GALNT17: variants seen among roughly 807,000 people sequenced by gnomAD.
GALNT17 encodes the protein UDP-GalNAc:polypeptide N-acetylgalactosaminyltransferase-like 3.
A neutral mutation model predicts 63.7 loss-of-function variants in GALNT17; 29 were observed. The observed-to-expected ratio is 0.46, with a 90% confidence interval of 0.34 to 0.62. The LOEUF (loss-of-function observed/expected upper bound fraction) is 0.62. Ranked by LOEUF, GALNT17 falls within the 20% of genes least tolerant of loss-of-function variation. GALNT17 has a pLI of 0.01. For missense variants in GALNT17, 603 were observed against 799.6 expected, an observed-to-expected ratio of 0.75 and a Z score of 2.97; for synonymous variants, 305 against 318.3, an observed-to-expected ratio of 0.96 and a Z score of 0.45.
intron 5 of GALNT17, among the ~76,000 whole-genome samples, chr7:71,499,050 C>G (rs577425686): frequency 6.6e-6 from 1 of 152,322 alleles, no homozygotes; most frequent in African/African-American, 2.4e-5. Context: ...CATAGCAACT[C>G]TTTCAGCAGA....
At chr7:71,506,728 G>A (rs1788275694) in intron 5 of GALNT17, among the ~76,000 whole-genome samples, 1 of 152,104 alleles carries the variant, frequency 6.6e-6, no homozygotes, top group African/African-American at 2.4e-5. Context: ...TCATTTCTTT[G>A]TGTTGTACTG....
intron 6 of GALNT17, among the ~76,000 whole-genome samples, chr7:71,663,471 GCCAACAT>G (rs1238383481): frequency 6.6e-6 from 1 of 152,098 alleles, no homozygotes; most frequent in East Asian, 1.9e-4. Flanking sequence ...CAGGCCCTTT[GCCAACAT>G]TTGGCCTCCT....
At chr7:71,509,949 ATT>A (rs60003782) in intron 5 of GALNT17, among the ~76,000 whole-genome samples, 262 of 150,616 alleles carry the variant, frequency 1.7e-3, no homozygotes, top group Middle Eastern at 3.4e-3. Flanking sequence ...AAAGTGTACA[ATT>A]TTTTTTTTCT....
rs997424904 is a variant in GALNT17, at chr7:71,291,445, C to T, written c.239-44105C>T. Among the ~76,000 whole-genome samples, 4 of 152,268 alleles carry T rather than the reference C, an allele frequency of 2.6e-5. No homozygotes were observed. The East Asian group carries it at 7.7e-4, about 29-fold the overall frequency. ...TGATTAGAATCCAATTCCATGATAG[C>T]TAAATCTTGGTCTGTGAAAACTGTC... On this transcript the variant is annotated intron_variant, in intron 1 of 10. Coordinates refer to ENST00000333538, the MANE Select transcript of GALNT17 (RefSeq NM_022479.3).
At chr7:71,465,197 C>T (rs1787515063) in intron 5 of GALNT17, among the ~76,000 whole-genome samples, 1 of 152,182 alleles carries the variant, frequency 6.6e-6, no homozygotes, top group Non-Finnish European at 1.5e-5. Flanking sequence ...AAATGTTTCA[C>T]ATAACATGCT....
intron 5 of GALNT17, among the ~76,000 whole-genome samples, chr7:71,496,917 TA>T (rs61150727): frequency 0.14 from 19,926 of 144,870 alleles, 1,652 homozygotes; most frequent in East Asian, 0.38. Flanking sequence ...ATACAAAAAT[TA>T]AAAAAAAAAA....
intron 3 of GALNT17, among the ~76,000 whole-genome samples, chr7:71,412,684 C>T (rs1004561267): frequency 7.2e-5 from 11 of 152,240 alleles, no homozygotes; most frequent in African/African-American, 2.4e-4. Context: ...CTCTGGCCCC[C>T]TCAACCTGTC....
intron 5 of GALNT17, among the ~76,000 whole-genome samples, chr7:71,534,211 T>TA (rs776474850): frequency 1.1e-4 from 16 of 152,080 alleles, no homozygotes; most frequent in Non-Finnish European, 2.2e-4. Context: ...TCGGGAAACT[T>TA]ACAATCATGG....
intron 5 of GALNT17, among the ~76,000 whole-genome samples, chr7:71,559,132 G>T (rs1325520505): frequency 6.6e-6 from 1 of 152,170 alleles, no homozygotes. Flanking sequence ...TTTGTGAGCT[G>T]GATGCAGTGT....
intron 6 of GALNT17, among the ~76,000 whole-genome samples, chr7:71,607,875 T>C (rs1232802743): frequency 6.6e-6 from 1 of 152,220 alleles, no homozygotes; most frequent in East Asian, 1.9e-4. Flanking sequence ...TTCCTTGGGA[T>C]GCACACTGAA....
intron 5 of GALNT17, among the ~76,000 whole-genome samples, chr7:71,544,443 A>G (rs1788948346): frequency 6.6e-6 from 1 of 152,042 alleles, no homozygotes; most frequent in African/African-American, 2.4e-5. Context: ...CACCCGGCCA[A>G]GGCATGATTT....
In GALNT17 at chr7:71,526,313, T is replaced by C. The variant is rs1271840755; in HGVS notation, c.963-44972T>C. 5.9e-4 allele frequency among the ~76,000 whole-genome samples: 90 copies of C among 152,092 alleles called. 3 individuals carry two copies. Among genetic ancestry groups the C allele is most frequent in the Non-Finnish European group, 2.9e-5 (2 of 68,032 alleles). On this transcript the variant is annotated intron_variant, in intron 5 of 10. Transcript: ENST00000333538. ...TTTTCTCTGTCAAAAACCAATTTCT[T>C]TTCCAGAATCCACAGCCAATTCCTC...
chr7:71,678,475 C>T (rs62458991), intron 9 of GALNT17, among the ~76,000 whole-genome samples: 82,071 of 151,364 alleles, frequency 0.54, 25,828 homozygotes, highest in East Asian at 0.85. Context: ...GTCAGGAGTT[C>T]GAGACCAGCC....
At chr7:71,181,904 G>C (rs1168574254) in intron 1 of GALNT17, among the ~76,000 whole-genome samples, 4 of 151,506 alleles carry the variant, frequency 2.6e-5, no homozygotes, top group Non-Finnish European at 4.4e-5. Flanking sequence ...AGGCTGGCGC[G>C]GTGGCTCATG....
chr7:71,506,506 A>T (rs959726671), intron 5 of GALNT17, among the ~76,000 whole-genome samples: 2 of 152,310 alleles, frequency 1.3e-5, no homozygotes, highest in African/African-American at 4.8e-5. Flanking sequence ...ACCTCAGGTG[A>T]TCTGCCCACC....
chr7:71,152,065 A>G (rs1162756134), intron 1 of GALNT17, among the ~76,000 whole-genome samples: 2 of 152,092 alleles, frequency 1.3e-5, no homozygotes, highest in Admixed American at 1.3e-4. Flanking sequence ...AACTTTGCTA[A>G]TTTGCCGTGT....
intron 1 of GALNT17, among the ~76,000 whole-genome samples, chr7:71,160,676 C>G (rs984240516): frequency 1.3e-5 from 2 of 152,182 alleles, no homozygotes; most frequent in African/African-American, 4.8e-5. Context: ...TCAGGCTGGT[C>G]TCAAACTCCC....
intron 9 of GALNT17, among the ~76,000 whole-genome samples, chr7:71,691,019 T>C (rs1171899194): frequency 1.3e-5 from 2 of 152,216 alleles, no homozygotes; most frequent in Non-Finnish European, 2.9e-5. Context: ...TTTGAGAGGA[T>C]TGGCTCCAAT....
chr7:71,209,730 A>C (rs757465098), intron 1 of GALNT17, among the ~76,000 whole-genome samples: 16 of 152,026 alleles, frequency 1.1e-4, no homozygotes, highest in Non-Finnish European at 2.2e-4. Flanking sequence ...CATGCTGCTG[A>C]TAAGGACATA....
Sources: gnomAD v4.1 joint callset for allele counts (sites outside exome capture counted in the v4.1 genomes callset) on GRCh38, gnomAD v4.1.1 for gene constraint, MANE v1.5 for transcripts, NCBI Gene and HGNC (gene_info 2026-07-23, HGNC 2026-07-21) for gene names.